The following DIAPH2 variants were observed in gnomAD, a reference collection of about 807,000 sequenced individuals.
DIAPH2 encodes the protein diaphanous related formin 2.
A neutral mutation model predicts 92.7 loss-of-function variants in DIAPH2; 35 were observed. The ratio of observed to expected loss-of-function variants is 0.38; its 90% CI spans 0.29 to 0.50. The LOEUF (loss-of-function observed/expected upper bound fraction) is 0.50. Ranked by LOEUF, DIAPH2 falls within the 20% of genes least tolerant of loss-of-function variation. The pLI, the probability that DIAPH2 is intolerant of heterozygous loss-of-function variation, is 0.94. For synonymous variants in DIAPH2, 301 were observed against 280.4 expected, an observed-to-expected ratio of 1.07 and a Z score of -0.73; for missense variants, 701 against 819.5, an observed-to-expected ratio of 0.86 and a Z score of 1.77.
intron 25 of DIAPH2, among the ~76,000 whole-genome samples, chrX:97,411,243 A>G (rs1288238364): frequency 8.9e-6 from 1 of 112,253 alleles, no homozygotes; most frequent in Non-Finnish European, 1.9e-5. Context: ...AGTGGGGGCC[A>G]ATATTCAACA....
At chrX:97,238,880 C>T (rs780148303) in intron 22 of DIAPH2, among the ~76,000 whole-genome samples, 6 of 111,223 alleles carry the variant, frequency 5.4e-5, no homozygotes, top group Non-Finnish European at 9.4e-5. Flanking sequence ...AATGGTATGC[C>T]GTTCCGCTGA....
chrX:97,567,541 T>C (rs777536159), intron 26 of DIAPH2, among the ~76,000 whole-genome samples: 21 of 111,882 alleles, frequency 1.9e-4, no homozygotes, highest in African/African-American at 6.5e-4. Flanking sequence ...TGCCTGGTAC[T>C]CTACAAAGGG....
intron 23 of DIAPH2, among the ~76,000 whole-genome samples, chrX:97,301,007 A>AAAATTT (rs1173483592): frequency 2.1e-5 from 2 of 95,259 alleles, no homozygotes; most frequent in African/African-American, 7.5e-5. Context: ...AACAATTGTG[A>AAAATTT]AAATTTAAGT....
chrX:97,193,161 C>T (rs1039005192), intron 22 of DIAPH2, among the ~76,000 whole-genome samples: 14 of 107,839 alleles, frequency 1.3e-4, no homozygotes, highest in Admixed American at 1.0e-3. Flanking sequence ...CACAGGTGCT[C>T]GCCACCATGC....
chrX:96,799,737 G>C (rs233661), intron 4 of DIAPH2, among the ~76,000 whole-genome samples: 47,328 of 109,478 alleles, frequency 0.43, 9,053 homozygotes, highest in African/African-American at 0.75. Flanking sequence ...GAACCCAGGA[G>C]GCAGAGGTTG....
At chrX:97,073,765 G>C (rs1335090113) in intron 18 of DIAPH2, among the ~76,000 whole-genome samples, 1 of 112,244 alleles carries the variant, frequency 8.9e-6, no homozygotes, top group Admixed American at 9.4e-5. Flanking sequence ...ATTTTGTTAA[G>C]GAATGTGGTA....
At chrX:97,510,675 T>A (rs1428784608) in intron 26 of DIAPH2, among the ~76,000 whole-genome samples, 1 of 100,757 alleles carries the variant, frequency 9.9e-6, no homozygotes, top group Admixed American at 1.1e-4. Flanking sequence ...CCATCTTGAA[T>A]TAATTTTTGT....
rs981461633 is a variant in DIAPH2 at position 96,751,988 on chromosome X, T to C, written c.343-6166T>C. Among the ~76,000 whole-genome samples, 6 of 111,708 alleles carry C rather than the reference T, an allele frequency of 5.4e-5. No homozygotes were observed. The Admixed American group carries it at 5.7e-4, about 11-fold the overall frequency. ...TTTTTTAAAATCACAAAATACTACA[T>C]TTTTTCTCATGTATTATAGATATAT... On this transcript the variant is annotated intron_variant, in intron 3 of 26. Transcript: ENST00000324765.
At chrX:97,487,170 A>G (rs1387180030) in intron 26 of DIAPH2, among the ~76,000 whole-genome samples, 1 of 112,114 alleles carries the variant, frequency 8.9e-6, no homozygotes, top group Non-Finnish European at 1.9e-5. Flanking sequence ...CTATTCATTC[A>G]CTGATGGACA....
intron 22 of DIAPH2, among the ~76,000 whole-genome samples, chrX:97,203,946 C>T (rs2067774630): frequency 8.9e-6 from 1 of 111,948 alleles, no homozygotes; most frequent in African/African-American, 3.2e-5. Flanking sequence ...AAACTGAATC[C>T]AGCAGCACAT....
At chrX:97,103,153 T>G (rs1212872643) in intron 20 of DIAPH2, among the ~76,000 whole-genome samples, 1 of 111,876 alleles carries the variant, frequency 8.9e-6, no homozygotes, top group Non-Finnish European at 1.9e-5. Flanking sequence ...GGCATTGTTA[T>G]GCACTGCCTA....
intron 21 of DIAPH2, among the ~76,000 whole-genome samples, chrX:97,128,760 G>A (rs780513053): frequency 8.9e-6 from 1 of 112,190 alleles, no homozygotes; most frequent in South Asian, 3.7e-4. Context: ...TCATATGAAT[G>A]GAATCATACA....
intron 22 of DIAPH2, among the ~76,000 whole-genome samples, chrX:97,173,024 T>G (rs2067465558): frequency 8.9e-6 from 1 of 112,625 alleles, no homozygotes; most frequent in Non-Finnish European, 1.9e-5. Context: ...ATAGGCTTCC[T>G]GGAATACCAC....
intron 4 of DIAPH2, among the ~76,000 whole-genome samples, chrX:96,801,292 T>C (rs1183825565): frequency 8.9e-6 from 1 of 112,048 alleles, no homozygotes; most frequent in African/African-American, 3.2e-5. Context: ...CTTAAATCTT[T>C]ACTTTAAGCA....
chrX:96,997,126 T>C (rs1333532201), intron 17 of DIAPH2, among the ~76,000 whole-genome samples: 2 of 111,675 alleles, frequency 1.8e-5, no homozygotes, highest in South Asian at 3.8e-4. Flanking sequence ...CATGTGAATA[T>C]AGTGTAAAAA....
chrX:97,136,929 TCTC>T (rs1200313992), intron 21 of DIAPH2, among the ~76,000 whole-genome samples: 1 of 110,378 alleles, frequency 9.1e-6, no homozygotes, highest in Non-Finnish European at 1.9e-5. Context: ...ACCAAATTAT[TCTC>T]CTATGTCGTT....
At chrX:97,038,881 T>A (rs1266810789) in intron 17 of DIAPH2, among the ~76,000 whole-genome samples, 1 of 111,849 alleles carries the variant, frequency 8.9e-6, no homozygotes. Context: ...TTGTTTCAAA[T>A]TATTTGATAT....
At chrX:96,775,353 TTGTGTG>T (rs60441028) in intron 4 of DIAPH2, among the ~76,000 whole-genome samples, 21,503 of 89,175 alleles carry the variant, frequency 0.24, 1,997 homozygotes, top group East Asian at 0.37. Flanking sequence ...CAACGTGTGC[TTGTGTG>T]TGTGTGTGTG....
chrX:97,088,840 A>C (rs1190182026), intron 19 of DIAPH2, among the ~76,000 whole-genome samples: 2 of 111,844 alleles, frequency 1.8e-5, no homozygotes, highest in African/African-American at 6.5e-5. Context: ...ATGACTTTGA[A>C]ATTTCTTGTG....
Sources: gnomAD v4.1 joint callset for allele counts (sites outside exome capture counted in the v4.1 genomes callset) on GRCh38, gnomAD v4.1.1 for gene constraint, MANE v1.5 for transcripts, NCBI Gene and HGNC (gene_info 2026-07-23, HGNC 2026-07-21) for gene names.